Variants in PLPP6 observed in about 807,000 individuals in gnomAD.
The protein encoded by PLPP6 is phospholipid phosphatase 6.
Under a neutral mutation model 16.5 loss-of-function variants are expected in PLPP6, and 16 were observed. The observed-to-expected ratio is 0.97, with a 90% CI of 0.66 to 1.47. The LOEUF (loss-of-function observed/expected upper bound fraction) is 1.47, where lower values mean the gene tolerates loss of function less well. Among genes scored for constraint, PLPP6 ranks in the 40% most tolerant of loss-of-function variants. The pLI is 0.00. For synonymous variants in PLPP6, 226 were observed against 188.1 expected (o/e 1.20, Z -1.65); for missense variants, 512 against 396.6 (o/e 1.29, Z -2.47).
At position 4,662,361 on chromosome 9, in the gene PLPP6, G is replaced by T. The variant is rs762874240; in HGVS notation, c.-15G>T. On this transcript the variant is annotated 5_prime_UTR_variant, in exon 1 of 1. Coordinates refer to ENST00000381883, the MANE Select transcript of PLPP6 (RefSeq NM_203453.5). This position sits in a 1 kb window ranked among gnomAD's most constrained non-coding sequence, Gnocchi z 4.9. ...TTGGTCCGGCCAGGTCCCGGGATCC[G>T]GGCCGCCAGCTGCGATGCCAAGTCC... The T allele has an allele frequency of 4.0e-5, 60 of 1,493,056 alleles. No homozygotes were observed. The highest frequency in any genetic ancestry group is 5.2e-5 in the Non-Finnish European group (59 of 1,129,172). 92.5% of individuals were successfully genotyped at this position (1,493,056 alleles called of 1,614,324 possible).
In PLPP6 at chr9:4,662,969, C is replaced by A. The variant is rs369771555; in HGVS notation, c.594C>A (p.Asp198Glu). ...RRRRPAHNQM[D>E]MFVTLSVDKY... Reference sequence around the variant, plus strand: ...GCCGCCCGGCCCACAACCAGATGGACATGTTTGTCACTCTCTCGGTGGACA... The same window carrying A: ...GCCGCCCGGCCCACAACCAGATGGAAATGTTTGTCACTCTCTCGGTGGACA... The change falls in exon 1 of 1, where the codon GAC becomes GAA. Residue 198 changes from aspartate (D) to glutamate (E), a missense_variant. Asp to Glu is a conservative substitution (Grantham distance 45). Coordinates refer to ENST00000381883, the MANE Select transcript of PLPP6 (RefSeq NM_203453.5). This position sits in a 1 kb window ranked among gnomAD's most constrained non-coding sequence, Gnocchi z 4.9. The A allele has an allele frequency of 9.3e-6, 15 of 1,612,790 alleles. No individual in the cohort carries two copies. Among genetic ancestry groups the A allele is most frequent in the Non-Finnish European group, 1.3e-5 (15 of 1,179,890 alleles).
chr9:4,663,124 G>C lies in PLPP6; in HGVS notation c.749G>C (p.Arg250Thr), dbSNP rs41279553. 2.5e-3 allele frequency: 4,003 copies of C among 1,614,148 alleles called. 14 individuals carry two copies. The highest frequency in any genetic ancestry group is 5.2e-3 in the Admixed American group (314 of 60,032). The change falls in exon 1 of 1, where the codon AGG (arginine) becomes ACG (threonine). Residue 250 changes from arginine to threonine, a missense_variant. Physicochemically the swap from Arg to Thr is moderately conservative, Grantham distance 71. Transcript: ENST00000381883. Reference sequence around the variant, plus strand: ...TGGGCCTTCGTCTTGGGCCTATCCAGGGTCATGCTGGGGCGGCACAATGTC... The same window carrying C: ...TGGGCCTTCGTCTTGGGCCTATCCACGGTCATGCTGGGGCGGCACAATGTC... ...VLWAFVLGLS[R>T]VMLGRHNVTD... is the part of the protein sequence containing the mutation.
At position 4,662,843 on chromosome 9, in the gene PLPP6, G is replaced by T. The variant is rs1415082975; in HGVS notation, c.468G>T (p.Arg156Ser). ...WLLGTLYCLC[R>S]SDSWAGREVL... ...TGGGCACCCTCTACTGCCTGTGCAGGAGCGACAGCTGGGCCGGGCGCGAGG... is the reference window on the plus strand; with the variant it reads ...TGGGCACCCTCTACTGCCTGTGCAGTAGCGACAGCTGGGCCGGGCGCGAGG... Residue 156 changes from arginine (R) to serine (S), a missense_variant, in exon 1 of 1, where the codon AGG (arginine) becomes AGT (serine). Arg to Ser is a moderately radical substitution (Grantham distance 110). Coordinates refer to ENST00000381883, the MANE Select transcript of PLPP6 (RefSeq NM_203453.5). This position sits in a 1 kb window ranked among gnomAD's most constrained non-coding sequence, Gnocchi z 4.9. 1 of 1,605,248 alleles carries T rather than the reference G, an allele frequency of 6.2e-7. No individual in the cohort carries two copies. Among genetic ancestry groups the T allele is most frequent in the Non-Finnish European group, 8.5e-7 (1 of 1,179,958 alleles).
rs955172176 is a variant in PLPP6 at position 4,662,615 on chromosome 9, G to C, written c.240G>C (p.Gln80His). 8.8e-6 allele frequency: 14 copies of C among 1,595,498 alleles called. No homozygotes were observed. In the African/African-American group the frequency reaches 1.7e-4, roughly 20 times the overall value. The stretch of plus-strand genomic sequence containing the variant: ...CCCTGGCCGCGGCGGGCCCCTCGCA[G>C]TCGCCCGCGCCTCCGCTGCCCGAGG... ...SFPLAAAGPS[Q>H]SPAPPLPEED... Residue 80 changes from glutamine to histidine, a missense_variant, in exon 1 of 1, where the codon CAG becomes CAC. Gln to His is a conservative substitution (Grantham distance 24). Coordinates refer to ENST00000381883, the MANE Select transcript of PLPP6 (RefSeq NM_203453.5). This position sits in a 1 kb window ranked among gnomAD's most constrained non-coding sequence, Gnocchi z 4.9.
In PLPP6 at chr9:4,664,854, T is replaced by G. The variant is rs1363211372; in HGVS notation, c.*1591T>G. ...TGCCTCAAAATCAAATCATTTGCAT[T>G]CCCACAGCATCCTGAATACCGACTA... On this transcript the variant is annotated 3_prime_UTR_variant, in exon 1 of 1. Coordinates refer to ENST00000381883, the MANE Select transcript of PLPP6 (RefSeq NM_203453.5). 1 of 167,094 alleles carries G rather than the reference T, an allele frequency of 6.0e-6. No homozygotes were observed. The highest frequency in any genetic ancestry group is 6.5e-5 in the Admixed American group (1 of 15,276). The allele number at this position is 167,094 out of a possible 1,614,324, so 10.4% of individuals were successfully genotyped here.
rs555147147 is a variant in PLPP6, at chr9:4,662,502, C to T, written c.127C>T (p.Leu43=). 7 of 1,559,940 alleles carry T rather than the reference C, an allele frequency of 4.5e-6. No homozygotes were observed. In the South Asian group the frequency reaches 5.8e-5, roughly 13 times the overall value. The stretch of plus-strand genomic sequence containing the variant: ...CGGCAGCAGGTTTGAGTTCCAGTCC[C>T]TGCTCAGCAGCCGCGCCACGGCCGT... The part of the protein sequence containing the change: ...GGGSRFEFQS[L]LSSRATAVDP... The change falls in exon 1 of 1, where the codon CTG becomes TTG. Residue 43 remains leucine (L), a synonymous_variant. Coordinates refer to ENST00000381883, the MANE Select transcript of PLPP6 (RefSeq NM_203453.5). This position sits in a 1 kb window ranked among gnomAD's most constrained non-coding sequence, Gnocchi z 4.9.
Position 4,664,588 on chromosome 9 carries a change from G to C in PLPP6, c.*1325G>C, listed in dbSNP as rs1362514837. On this transcript the variant is annotated 3_prime_UTR_variant, in exon 1 of 1. Coordinates refer to ENST00000381883, the MANE Select transcript of PLPP6 (RefSeq NM_203453.5). ...ATTATTCTTTGACCCAGAAAGACTG[G>C]AGAAGGTATGTGCTTTAAGTGCTGC... 1 of 167,064 alleles carries C rather than the reference G, an allele frequency of 6.0e-6. No individual in the cohort carries two copies. The highest frequency in any genetic ancestry group is 1.5e-5 in the Non-Finnish European group (1 of 68,118). 10.3% of individuals were successfully genotyped at this position (167,064 alleles called of 1,614,324 possible).
At position 4,664,607 on chromosome 9, in the gene PLPP6, G is replaced by A. The variant is rs1361016640; in HGVS notation, c.*1344G>A. ...AGACTGGAGAAGGTATGTGCTTTAA[G>A]TGCTGCTCTACCTGAAAAGAAATCC... On this transcript the variant is annotated 3_prime_UTR_variant, in exon 1 of 1. Transcript: ENST00000381883. The A allele has an allele frequency of 6.0e-6, 1 of 167,080 alleles. No individual in the cohort carries two copies. The highest frequency in any genetic ancestry group is 2.4e-5 in the African/African-American group (1 of 41,454). 10.3% of individuals were successfully genotyped at this position (167,080 alleles called of 1,614,324 possible).
Position 4,663,492 on chromosome 9 carries a change from T to C in PLPP6, c.*229T>C, listed in dbSNP as rs1156398042. The C allele has an allele frequency of 3.9e-6, 2 of 511,226 alleles. No individual in the cohort carries two copies. Among genetic ancestry groups the C allele is most frequent in the Non-Finnish European group, 7.1e-6 (2 of 280,188 alleles). The allele number at this position is 511,226 out of a possible 1,614,324, so 31.7% of individuals were successfully genotyped here. A position where few individuals can be genotyped will look rare whatever the true frequency, so the allele number is the denominator to read the frequency against. On this transcript the variant is annotated 3_prime_UTR_variant, in exon 1 of 1. Transcript: ENST00000381883. Reference sequence around the variant, plus strand: ...AAAACCCAAAAAATCCTCTATTGTATATTTATTCAACAACTGTTTATGTTT... The same window carrying C: ...AAAACCCAAAAAATCCTCTATTGTACATTTATTCAACAACTGTTTATGTTT...
Position 4,663,325 on chromosome 9 carries a change from CTA to C in PLPP6, c.*63_*64del. The C allele has an allele frequency of 6.6e-7, 1 of 1,524,816 alleles. No homozygotes were observed. The highest frequency in any genetic ancestry group is 1.2e-5 in the South Asian group (1 of 81,486). The allele number at this position is 1,524,816 out of a possible 1,614,324, so 94.5% of individuals were successfully genotyped here. On this transcript the variant is annotated 3_prime_UTR_variant, in exon 1 of 1. Coordinates refer to ENST00000381883, the MANE Select transcript of PLPP6 (RefSeq NM_203453.5). ...GGTTTCCACATTCGATGATGTCAAC[CTA>C]AACCAGCAGCCATCCCGCTTGTCCC... is the stretch of plus-strand genomic sequence containing the variant.
Position 4,663,560 on chromosome 9 carries a change from T to C in PLPP6, c.*297T>C, listed in dbSNP as rs1194237369. 1 of 342,956 alleles carries C rather than the reference T, an allele frequency of 2.9e-6. No individual in the cohort carries two copies. Among genetic ancestry groups the C allele is most frequent in the Non-Finnish European group, 5.6e-6 (1 of 177,914 alleles). The allele number at this position is 342,956 out of a possible 1,614,324, so 21.2% of individuals were successfully genotyped here. ...AAAACAAGCTGAGGTGGTTATACTGTTGCTGTTAAAAGTTGGTATCAGTAA... is the reference window on the plus strand; with the variant it reads ...AAAACAAGCTGAGGTGGTTATACTGCTGCTGTTAAAAGTTGGTATCAGTAA... On this transcript the variant is annotated 3_prime_UTR_variant, in exon 1 of 1. Coordinates refer to ENST00000381883, the MANE Select transcript of PLPP6 (RefSeq NM_203453.5).
chr9:4,664,784 A>G lies in PLPP6; in HGVS notation c.*1521A>G, dbSNP rs1019993980. The G allele has an allele frequency of 1.8e-5, 3 of 167,116 alleles. No homozygotes were observed. The highest frequency in any genetic ancestry group is 7.2e-5 in the African/African-American group (3 of 41,462). The allele number at this position is 167,116 out of a possible 1,614,324, so 10.4% of individuals were successfully genotyped here. A position where few individuals can be genotyped will look rare whatever the true frequency, so the allele number is the denominator to read the frequency against. Reference sequence around the variant, plus strand: ...AAGTAGGTTTTGATTGAGTGAAAGCATGAGCTTGTTCAGAGTGAGGGGCAT... The same window carrying G: ...AAGTAGGTTTTGATTGAGTGAAAGCGTGAGCTTGTTCAGAGTGAGGGGCAT... On this transcript the variant is annotated 3_prime_UTR_variant, in exon 1 of 1. Coordinates refer to ENST00000381883, the MANE Select transcript of PLPP6 (RefSeq NM_203453.5).
At position 4,662,466 on chromosome 9, in the gene PLPP6, G is replaced by A; in HGVS notation, c.91G>A (p.Gly31Ser). The change falls in exon 1 of 1, where the codon GGC (glycine) becomes AGC (serine). Residue 31 changes from glycine to serine, a missense_variant. Coordinates refer to ENST00000381883, the MANE Select transcript of PLPP6 (RefSeq NM_203453.5). This position sits in a 1 kb window ranked among gnomAD's most constrained non-coding sequence, Gnocchi z 4.9. The part of the protein sequence containing the change: ...SSSPGSPAHG[G>S]GGGGSRFEFQ... ...CAGCCCCGGCAGCCCAGCCCATGGC[G>A]GCGGTGGCGGCGGCAGCAGGTTTGA... is the stretch of plus-strand genomic sequence containing the variant. 1 of 1,547,382 alleles carries A rather than the reference G, an allele frequency of 6.5e-7. No individual in the cohort carries two copies. Among genetic ancestry groups the A allele is most frequent in the South Asian group, 1.2e-5 (1 of 85,048 alleles).
rs1387432921 is a variant in PLPP6, at chr9:4,663,075, C to A, written c.700C>A (p.Pro234Thr). Reference protein sequence around the residue: ...FILNHLVLAIPLRVLVVLWAF... With the variant: ...FILNHLVLAITLRVLVVLWAF... ...CCTGAACCACCTGGTGCTGGCCATT[C>A]CACTGAGGGTGCTGGTGGTTCTGTG... The change falls in exon 1 of 1, where the codon CCA (proline) becomes ACA (threonine). Residue 234 changes from proline (P) to threonine (T), a missense_variant. Physicochemically the swap from Pro to Thr is conservative, Grantham distance 38. Coordinates refer to ENST00000381883, the MANE Select transcript of PLPP6 (RefSeq NM_203453.5). 6.2e-7 allele frequency: 1 copy of A among 1,614,032 alleles called. No individual in the cohort carries two copies. Among genetic ancestry groups the A allele is most frequent in the East Asian group, 2.2e-5 (1 of 44,858 alleles).
chr9:4,663,258 C>G lies in PLPP6; in HGVS notation c.883C>G (p.Arg295Gly). The change falls in exon 1 of 1, where the codon CGA (arginine) becomes GGA (glycine). Residue 295 changes from arginine to glycine, a missense_variant. Transcript: ENST00000381883. ...APVLFLLWSQR is the reference protein window; with the variant it reads ...APVLFLLWSQG ...GGTCCTCTTTTTACTGTGGAGTCAA[C>G]GATGACACCATCTCATTGATTATGG... is the stretch of plus-strand genomic sequence containing the variant. 1 of 1,611,548 alleles carries G rather than the reference C, an allele frequency of 6.2e-7. No individual in the cohort carries two copies. The highest frequency in any genetic ancestry group is 8.5e-7 in the Non-Finnish European group (1 of 1,178,086).
chr9:4,662,355 G>A lies in PLPP6; in HGVS notation c.-21G>A, dbSNP rs948663822. On this transcript the variant is annotated 5_prime_UTR_variant, in exon 1 of 1. Transcript: ENST00000381883. This position sits in a 1 kb window ranked among gnomAD's most constrained non-coding sequence, Gnocchi z 4.9. Reference sequence around the variant, plus strand: ...CTCTGTTTGGTCCGGCCAGGTCCCGGGATCCGGGCCGCCAGCTGCGATGCC... The same window carrying A: ...CTCTGTTTGGTCCGGCCAGGTCCCGAGATCCGGGCCGCCAGCTGCGATGCC... 4.7e-6 allele frequency: 7 copies of A among 1,485,972 alleles called. No individual in the cohort carries two copies. The highest frequency in any genetic ancestry group is 6.2e-6 in the Non-Finnish European group (7 of 1,125,698). The allele number at this position is 1,485,972 out of a possible 1,614,324, so 92.0% of individuals were successfully genotyped here.
Position 4,664,436 on chromosome 9 carries a change from A to G in PLPP6, c.*1173A>G, listed in dbSNP as rs139655092. ...AAATTCATCATGGGAGTCTGCTGCT[A>G]TACCAGGCACAAGATAAAACTCCAA... is the stretch of plus-strand genomic sequence containing the variant. On this transcript the variant is annotated 3_prime_UTR_variant, in exon 1 of 1. Transcript: ENST00000381883. 1 of 167,198 alleles carries G rather than the reference A, an allele frequency of 6.0e-6. No individual in the cohort carries two copies. Among genetic ancestry groups the G allele is most frequent in the African/African-American group, 2.4e-5 (1 of 41,578 alleles). The allele number at this position is 167,198 out of a possible 1,614,324, so 10.4% of individuals were successfully genotyped here. A position where few individuals can be genotyped will look rare whatever the true frequency, so the allele number is the denominator to read the frequency against.
Position 4,663,857 on chromosome 9 carries a change from T to G in PLPP6, c.*594T>G, listed in dbSNP as rs998217198. On this transcript the variant is annotated 3_prime_UTR_variant, in exon 1 of 1. Transcript: ENST00000381883. ...TTTTTTACTTTATTATCTCTATAAT[T>G]TATTATCTCTATCCATATTTGTGGA... is the stretch of plus-strand genomic sequence containing the variant. The G allele has an allele frequency of 4.2e-5, 7 of 167,036 alleles. No individual in the cohort carries two copies. Among genetic ancestry groups the G allele is most frequent in the African/African-American group, 1.7e-4 (7 of 41,472 alleles). The allele number at this position is 167,036 out of a possible 1,614,324, so 10.3% of individuals were successfully genotyped here. A position where few individuals can be genotyped will look rare whatever the true frequency, so the allele number is the denominator to read the frequency against.
Position 4,662,883 on chromosome 9 carries a change from C to T in PLPP6, c.508C>T (p.Leu170Phe), listed in dbSNP as rs767562460. 19 of 1,606,720 alleles carry T rather than the reference C, an allele frequency of 1.2e-5. No individual in the cohort carries two copies. The highest frequency in any genetic ancestry group is 1.5e-5 in the Non-Finnish European group (18 of 1,179,976). The change falls in exon 1 of 1, where the codon CTC becomes TTC. Residue 170 changes from leucine (L) to phenylalanine (F), a missense_variant. Physicochemically the swap from Leu to Phe is conservative, Grantham distance 22. Coordinates refer to ENST00000381883, the MANE Select transcript of PLPP6 (RefSeq NM_203453.5). This position sits in a 1 kb window ranked among gnomAD's most constrained non-coding sequence, Gnocchi z 4.9. ...WAGREVLMNL[L>F]FALLLDLLLV... is the part of the protein sequence containing the mutation. ...CGGGCGCGAGGTGCTGATGAACCTG[C>T]TCTTCGCCCTGCTGTTGGACCTGCT...
Sources: allele counts gnomAD v4.1 joint callset, GRCh38; gene constraint gnomAD v4.1.1; non-coding constraint Gnocchi (gnomAD v3.1); transcripts MANE v1.5; gene names NCBI Gene and HGNC (gene_info 2026-07-23, HGNC 2026-07-21).